NELL1: variants seen among roughly 807,000 people sequenced by gnomAD.
The protein encoded by NELL1 is neural EGFL like 1, also known as protein kinase C-binding protein NELL1.
NELL1 carries 76 observed loss-of-function variants against 107.4 expected under a neutral mutation model. The ratio of observed to expected loss-of-function variants is 0.71; its 90% CI spans 0.59 to 0.86. NELL1 has a LOEUF of 0.86. NELL1 is among the 40% of genes least tolerant of loss of function. The pLI is 0.00. For missense variants in NELL1, 1,024 were observed against 1,005.5 expected, an observed-to-expected ratio of 1.02 and a Z score of -0.25; for synonymous variants, 353 against 341.2, an observed-to-expected ratio of 1.03 and a Z score of -0.38.
chr11:21,016,010 G>A (rs576013633), intron 12 of NELL1, among the ~76,000 whole-genome samples: 4 of 152,158 alleles, frequency 2.6e-5, no homozygotes, highest in East Asian at 1.9e-4. Flanking sequence ...CCTTTTGTGC[G>A]TCTGGTATTG....
intron 11 of NELL1, among the ~76,000 whole-genome samples, chr11:20,955,116 C>T (rs560382006): frequency 1.3e-5 from 2 of 152,286 alleles, no homozygotes; most frequent in Non-Finnish European, 1.5e-5. Context: ...AAGAGAGACA[C>T]GTGATGCCTA....
intron 12 of NELL1, among the ~76,000 whole-genome samples, chr11:20,993,538 A>C (rs1852023223): frequency 6.6e-6 from 1 of 152,112 alleles, no homozygotes; most frequent in Non-Finnish European, 1.5e-5. Flanking sequence ...TTCATCCCTC[A>C]GTGTCTGTGG....
At chr11:21,221,079 G>T (rs925406615) in intron 13 of NELL1, among the ~76,000 whole-genome samples, 1 of 152,166 alleles carries the variant, frequency 6.6e-6, no homozygotes, top group Non-Finnish European at 1.5e-5. Context: ...TTATCATGAA[G>T]TGATGTTGAA....
At chr11:21,102,745 C>T (rs1416025589) in intron 12 of NELL1, among the ~76,000 whole-genome samples, 1 of 152,074 alleles carries the variant, frequency 6.6e-6, no homozygotes, top group African/African-American at 2.4e-5. Context: ...TGGTGTTTTC[C>T]GTTCCACCTT....
chr11:21,082,103 G>A (rs903429402), intron 12 of NELL1, among the ~76,000 whole-genome samples: 1 of 152,082 alleles, frequency 6.6e-6, no homozygotes, highest in African/African-American at 2.4e-5. Context: ...GAAAATTACA[G>A]CTGAATTCTT....
rs192274230 is a variant in NELL1 at position 20,928,212 on chromosome 11, C to T, written c.895-165C>T. Among the ~76,000 whole-genome samples the T allele has an allele frequency of 1.6e-3, 246 of 152,228 alleles. 1 individual carries two copies. Among genetic ancestry groups the T allele is most frequent in the African/African-American group, 5.2e-3 (216 of 41,540 alleles). On this transcript the variant is annotated intron_variant, in intron 8 of 19. Coordinates refer to ENST00000357134, the MANE Select transcript of NELL1 (RefSeq NM_006157.5). ...AGTAATTGAGGTGGTACAGGTCATT[C>T]GGGCCGGAGAAAACACTTCATCTGT... is the stretch of plus-strand genomic sequence containing the variant.
chr11:21,096,383 A>G (rs1487817580), intron 12 of NELL1, among the ~76,000 whole-genome samples: 4 of 152,168 alleles, frequency 2.6e-5, no homozygotes. Context: ...GCTCTCCTAC[A>G]GCTCTCTGAG....
intron 2 of NELL1, among the ~76,000 whole-genome samples, chr11:20,755,583 A>C (rs1856259312): frequency 8.1e-6 from 1 of 123,516 alleles, no homozygotes; most frequent in Non-Finnish European, 1.6e-5. Context: ...TTTGAGACAG[A>C]ATCTGGCTGT....
At chr11:20,864,029 G>C (rs933439805) in intron 4 of NELL1, among the ~76,000 whole-genome samples, 3 of 152,134 alleles carry the variant, frequency 2.0e-5, no homozygotes, top group African/African-American at 7.2e-5. Context: ...AATCAGGCAG[G>C]GAGGCTGCAG....
intron 2 of NELL1, among the ~76,000 whole-genome samples, chr11:20,702,514 G>C (rs144333500): frequency 0.23 from 34,782 of 151,478 alleles, 4,777 homozygotes; most frequent in African/African-American, 0.37. Flanking sequence ...CTTCTCCTGC[G>C]TGATTGCCCT....
chr11:20,940,355 G>A (rs995940856), intron 10 of NELL1, among the ~76,000 whole-genome samples: 3 of 151,962 alleles, frequency 2.0e-5, no homozygotes, highest in Non-Finnish European at 2.9e-5. Context: ...TGCCTCCCAG[G>A]TTCAAGCAAT....
At chr11:21,318,024 G>C (rs1022708816) in intron 14 of NELL1, among the ~76,000 whole-genome samples, 2 of 151,458 alleles carry the variant, frequency 1.3e-5, no homozygotes, top group African/African-American at 2.4e-5. Flanking sequence ...TCAAATGAAG[G>C]CTATCATTTC....
At position 21,433,730 on chromosome 11, in the gene NELL1, C is replaced by A. The variant is rs925806446; in HGVS notation, c.1645+62782C>A. Among the ~76,000 whole-genome samples, 19 of 152,080 alleles carry A rather than the reference C, an allele frequency of 1.2e-4. 1 individual carries two copies. The highest frequency in any genetic ancestry group is 5.9e-5 in the Non-Finnish European group (4 of 68,012). ...CACTCTTGTTGCCCAGGCTGGAGTG[C>A]AATGGCTTGATCTCGGCTCACCACA... On this transcript the variant is annotated intron_variant, in intron 15 of 19. Transcript: ENST00000357134.
At chr11:20,750,543 A>T (rs1241149974) in intron 2 of NELL1, among the ~76,000 whole-genome samples, 1 of 148,722 alleles carries the variant, frequency 6.7e-6, no homozygotes, top group Non-Finnish European at 1.5e-5. Context: ...TTTTATGTTT[A>T]GTATATAATG....
At chr11:20,682,324 C>T (rs915195159) in intron 2 of NELL1, among the ~76,000 whole-genome samples, 1 of 149,412 alleles carries the variant, frequency 6.7e-6, no homozygotes, top group Non-Finnish European at 1.5e-5. Flanking sequence ...TTTATTTAAC[C>T]CAACATATAA....
chr11:20,826,399 T>G (rs780631847), intron 3 of NELL1, among the ~76,000 whole-genome samples: 5 of 151,346 alleles, frequency 3.3e-5, no homozygotes, highest in Non-Finnish European at 5.9e-5. Flanking sequence ...CATGTCCCAC[T>G]GGTGAGAGCT....
chr11:21,059,011 T>C (rs751224015), intron 12 of NELL1, among the ~76,000 whole-genome samples: 9 of 152,180 alleles, frequency 5.9e-5, no homozygotes, highest in Non-Finnish European at 1.0e-4. Flanking sequence ...TCATCATTTT[T>C]TTCTGATCTT....
chr11:20,742,020 T>C (rs934486048), intron 2 of NELL1, among the ~76,000 whole-genome samples: 1 of 152,222 alleles, frequency 6.6e-6, no homozygotes, highest in Non-Finnish European at 1.5e-5. Context: ...CTATGGACCA[T>C]ACTTTGAGCA....
chr11:20,940,571 G>A (rs576393238), intron 10 of NELL1, among the ~76,000 whole-genome samples: 8 of 152,180 alleles, frequency 5.3e-5, no homozygotes, highest in Non-Finnish European at 1.0e-4. Flanking sequence ...TTGTACCATG[G>A]TGGTCTCAGG....
Sources: allele counts gnomAD v4.1 joint callset (sites outside exome capture counted in the v4.1 genomes callset), GRCh38; gene constraint gnomAD v4.1.1; transcripts MANE v1.5; gene names NCBI Gene and HGNC (gene_info 2026-07-23, HGNC 2026-07-21).